The following TCOF1 variants were observed in gnomAD, a reference collection of about 807,000 sequenced individuals.
TCOF1 encodes treacle ribosome biogenesis factor 1.
TCOF1 carries 33 observed loss-of-function variants against 149.0 expected under a neutral mutation model. The observed-to-expected ratio is 0.22, with a 90% CI of 0.17 to 0.30. TCOF1 has a LOEUF of 0.30. Ranked by LOEUF, TCOF1 falls within the 10% of genes least tolerant of loss-of-function variation. The pLI is 1.00. For synonymous variants in TCOF1, 789 were observed against 738.8 expected (o/e 1.07, Z -1.10); for missense variants, 1,728 against 1,840.7 (o/e 0.94, Z 1.12).
At chr5:150,365,623 A>G (rs1442986242) in intron 3 of TCOF1, among the ~76,000 whole-genome samples, 1 of 152,122 alleles carries the variant, frequency 6.6e-6, no homozygotes, top group Non-Finnish European at 1.5e-5. Context: ...ACAAATGGTA[A>G]AATTTCTTAC....
At chr5:150,379,865 G>C (rs1262487727) in intron 17 of TCOF1, 133 bp downstream of exon 17, 1 of 1,099,022 alleles carries the variant, frequency 9.1e-7, no homozygotes, top group Non-Finnish European at 1.4e-6. Flanking sequence ...TGAGGTCAGG[G>C]GTTCAAGACC....
At chr5:150,398,241 G>C in intron 24 of TCOF1, 113 bp from the exon 25 acceptor site, 1 of 1,581,050 alleles carries the variant, frequency 6.3e-7, no homozygotes, top group Non-Finnish European at 8.6e-7. Flanking sequence ...TGTTGTGATG[G>C]CTTCTGGTGG....
rs1179023528 is a variant in TCOF1 at position 150,400,216 on chromosome 5, T to C, written c.*429T>C. On this transcript the variant is annotated 3_prime_UTR_variant, in exon 27 of 27. Coordinates refer to ENST00000643257, the MANE Select transcript of TCOF1 (RefSeq NM_001371623.1). ...CTGATCCCGAGGCTTTGTCTTCCTC[T>C]CGTCAGTTCTTTTGGTTGTGTTTTT... 1.3e-5 allele frequency: 2 copies of C among 150,922 alleles called. No homozygotes were observed. The highest frequency in any genetic ancestry group is 1.5e-5 in the Non-Finnish European group (1 of 67,772). 9.3% of individuals were successfully genotyped at this position (150,922 alleles called of 1,614,324 possible).
chr5:150,388,111 G>T (rs533379499), intron 18 of TCOF1, 23 bp downstream of exon 18: 2 of 1,612,900 alleles, frequency 1.2e-6, no homozygotes, highest in East Asian at 4.5e-5. Context: ...CTTATGCAGT[G>T]GTGGGAGGGG....
chr5:150,364,565 G>A (rs991153793), intron 3 of TCOF1, among the ~76,000 whole-genome samples: 13 of 152,162 alleles, frequency 8.5e-5, no homozygotes, highest in Non-Finnish European at 1.5e-4. Flanking sequence ...GAAGACACAC[G>A]TTCAGAAGTA....
chr5:150,395,436 C>A (rs1768262666), intron 23 of TCOF1, among the ~76,000 whole-genome samples: 1 of 152,172 alleles, frequency 6.6e-6, no homozygotes, highest in Non-Finnish European at 1.5e-5. Flanking sequence ...TGCAGCTTGC[C>A]CCAGGCTGGG....
chr5:150,388,741 C>T (rs1766788347), intron 18 of TCOF1, among the ~76,000 whole-genome samples: 1 of 152,170 alleles, frequency 6.6e-6, no homozygotes, highest in Non-Finnish European at 1.5e-5. Flanking sequence ...AGTTCAAGAC[C>T]AGCCTGGGTA....
At chr5:150,382,984 C>A in intron 17 of TCOF1, 1 of 1,182,522 alleles carries the variant, frequency 8.5e-7, no homozygotes, top group Non-Finnish European at 1.2e-6. Context: ...GCCTGAGGGT[C>A]ATTGCCTACT....
intron 18 of TCOF1, among the ~76,000 whole-genome samples, chr5:150,389,568 C>T (rs1581192065): frequency 6.6e-6 from 1 of 152,244 alleles, no homozygotes; most frequent in African/African-American, 2.4e-5. Context: ...ACGATTTTAA[C>T]TGCAAGGAGA....
At chr5:150,385,681 A>G (rs1184079765) in intron 17 of TCOF1, among the ~76,000 whole-genome samples, 1 of 152,170 alleles carries the variant, frequency 6.6e-6, no homozygotes, top group Admixed American at 6.5e-5. Flanking sequence ...CACAGTTAGA[A>G]TGAGCTCAGC....
rs1158232984 is a variant in TCOF1 at position 150,392,428 on chromosome 5, C to T, written c.3517+252C>T. ...TCCCTTCACTGGCTCCCAAAAACTC[C>T]AGGGCCATGTTTCTGGAACAGTGGA... On this transcript the variant is annotated intron_variant, in intron 21 of 26. Coordinates refer to ENST00000643257, the MANE Select transcript of TCOF1 (RefSeq NM_001371623.1). 3 of 609,660 alleles carry T rather than the reference C, an allele frequency of 4.9e-6. No individual in the cohort carries two copies. The African/African-American group carries it at 5.5e-5, about 11-fold the overall frequency. 37.8% of individuals were successfully genotyped at this position (609,660 alleles called of 1,614,324 possible). A position where few individuals can be genotyped will look rare whatever the true frequency, so the allele number is the denominator to read the frequency against.
chr5:150,372,184 G>A lies in TCOF1; in HGVS notation c.818G>A (p.Ser273Asn). 1 of 1,602,402 alleles carries A rather than the reference G, an allele frequency of 6.2e-7. No homozygotes were observed. The highest frequency in any genetic ancestry group is 1.1e-5 in the South Asian group (1 of 90,806). Residue 273 changes from serine to asparagine, a missense_variant, in exon 7 of 27, where the codon AGT becomes AAT. This residue lies in a region of TCOF1 where 1,696 missense variants were observed against 1,765.4 expected (regional missense o/e 0.96). Transcript: ENST00000643257. ...AKKPEEESES[S>N]EEGSESEEEA... is the part of the protein sequence containing the mutation. ...AAGCCAGAAGAGGAGTCAGAGAGTA[G>A]TGAGGAGGGATCTGAAAGTGAGGAG...
At position 150,375,150 on chromosome 5, in the gene TCOF1, T is replaced by C; in HGVS notation, c.1475T>C (p.Met492Thr). 5 of 1,613,030 alleles carry C rather than the reference T, an allele frequency of 3.1e-6. No individual in the cohort carries two copies. The highest frequency in any genetic ancestry group is 4.2e-6 in the Non-Finnish European group (5 of 1,179,698). Reference protein sequence around the residue: ...SDSDREALAAMNAAQVKPLGK... With the variant: ...SDSDREALAATNAAQVKPLGK... ...AGTGACAGAGAGGCACTGGCAGCCA[T>C]GAATGCAGCTCAGGTGAGGCTGGAA... The change falls in exon 10 of 27, where the codon ATG becomes ACG. Residue 492 changes from methionine to threonine, a missense_variant. Met to Thr is a moderately conservative substitution (Grantham distance 81). Around this residue, in one of 2 missense-constraint regions of TCOF1, gnomAD observed 1,696 missense variants for 1,765.4 expected, o/e 0.96. Transcript: ENST00000643257.
intron 1 of TCOF1, among the ~76,000 whole-genome samples, chr5:150,360,909 A>C (rs1434702205): frequency 6.6e-6 from 1 of 151,666 alleles, no homozygotes; most frequent in Non-Finnish European, 1.5e-5. Context: ...GCTAATTTTT[A>C]AATTTTTTTA....
In TCOF1 at chr5:150,374,362, G is replaced by C; in HGVS notation, c.1059G>C (p.Thr353=). The C allele has an allele frequency of 6.4e-7, 1 of 1,556,968 alleles. No homozygotes were observed. ...SEESSDSEEE[T]PAAKALLQAK... ...AGTCATCTGACAGTGAGGAGGAGAC[G>C]CCAGCTGCCAAGGCCCTGCTTCAGG... The change falls in exon 8 of 27, where the codon ACG becomes ACC. Residue 353 remains threonine, a synonymous_variant. Transcript: ENST00000643257.
At chr5:150,392,648 C>T in intron 21 of TCOF1, 57 bp from the exon 22 acceptor site, 5 of 1,588,982 alleles carry the variant, frequency 3.1e-6, no homozygotes, top group South Asian at 1.1e-5. Context: ...AGGGCTCTGC[C>T]CTTCCCGGCT....
chr5:150,391,183 A>AT (rs1211746430), intron 19 of TCOF1, among the ~76,000 whole-genome samples: 1 of 152,184 alleles, frequency 6.6e-6, no homozygotes, highest in Non-Finnish European at 1.5e-5. Context: ...GCCACGCCAC[A>AT]TTTGAAGGCT....
chr5:150,376,437 G>A lies in TCOF1; in HGVS notation c.2157G>A (p.Gly719=), dbSNP rs1168450447. The change falls in exon 14 of 27, where the codon GGG becomes GGA. Residue 719 remains glycine (G), a synonymous_variant. Coordinates refer to ENST00000643257, the MANE Select transcript of TCOF1 (RefSeq NM_001371623.1). ...TGTCATCCCAGGCAAAGTCTGTGGG[G>A]AAAGGCCTCCAGGTGAAAGCAGCCT... ...AVTVGQAKSV[G]KGLQVKAASV... 1 of 1,614,232 alleles carries A rather than the reference G, an allele frequency of 6.2e-7. No homozygotes were observed. The highest frequency in any genetic ancestry group is 8.5e-7 in the Non-Finnish European group (1 of 1,180,046).
intron 16 of TCOF1, 48 bp downstream of exon 16, chr5:150,379,456 T>G (rs748634978): frequency 3.7e-6 from 6 of 1,613,798 alleles, no homozygotes; most frequent in Non-Finnish European, 5.1e-6. Context: ...ATGTAACACC[T>G]TTGCCACATC....
Sources: gnomAD v4.1 joint callset for allele counts (sites outside exome capture counted in the v4.1 genomes callset) on GRCh38, gnomAD v4.1.1 for gene constraint, gnomAD v4.1.1 regional missense constraint, MANE v1.5 for transcripts, NCBI Gene and HGNC (gene_info 2026-07-23, HGNC 2026-07-21) for gene names.